The following SAT1 variants were observed in gnomAD, a reference collection of about 807,000 sequenced individuals.
The protein encoded by SAT1 is diamine acetyltransferase 1.
Under a neutral mutation model 14.7 loss-of-function variants are expected in SAT1, and 1 was observed. The ratio of observed to expected loss-of-function variants is 0.07; its 90% confidence interval spans 0.02 to 0.32. The LOEUF (loss-of-function observed/expected upper bound fraction) is 0.32, where lower values mean the gene tolerates loss of function less well. Ranked by LOEUF, SAT1 falls within the 10% of genes least tolerant of loss-of-function variation. The probability of loss-of-function intolerance (pLI) is 1.00; values close to 1 mark genes in which losing one functional copy is unlikely to be tolerated. For synonymous variants in SAT1, 67 were observed against 46.1 expected (o/e 1.45, Z -1.84); for missense variants, 77 against 129.1 (o/e 0.60, Z 1.96).
intron 3 of SAT1, 111 bp downstream of exon 3, chrX:23,783,994 A>G (rs936393487): frequency 1.7e-6 from 2 of 1,179,959 alleles, no homozygotes; most frequent in Non-Finnish European, 2.3e-6. Flanking sequence ...GAACTTGGAC[A>G]GAAAAAATAG....
Position 23,783,846 on chromosome X carries a change from G to C in SAT1, c.165G>C (p.Leu55=). The change falls in exon 3 of 6, where the codon CTG becomes CTC. Residue 55 remains leucine, a synonymous_variant. Coordinates refer to ENST00000379270, the MANE Select transcript of SAT1 (RefSeq NM_002970.4). ...GAGAGCACCCCTTTTACCACTGCCTGGTTGCAGAAGTGCCGAAAGAGCACT... is the reference window on the plus strand; with the variant it reads ...GAGAGCACCCCTTTTACCACTGCCTCGTTGCAGAAGTGCCGAAAGAGCACT... The part of the protein sequence containing the change: ...GFGEHPFYHC[L]VAEVPKEHWT... 1 of 1,211,525 alleles carries C rather than the reference G, an allele frequency of 8.3e-7. No homozygotes were observed. The highest frequency in any genetic ancestry group is 1.1e-6 in the Non-Finnish European group (1 of 895,503).
chrX:23,785,183 A>G (rs907668275), intron 3 of SAT1, 145 bp from the exon 4 acceptor site: 40 of 495,448 alleles, frequency 8.1e-5, no homozygotes, highest in Admixed American at 1.3e-4. Flanking sequence ...CACTCACATA[A>G]AAATCATGAG....
chrX:23,783,545 T>C, intron 1 of SAT1, 113 bp from the exon 2 acceptor site: 1 of 944,181 alleles, frequency 1.1e-6, no homozygotes, highest in Non-Finnish European at 1.4e-6. Context: ...TCTGCGCCCA[T>C]CCCCGGCTCG....
Position 23,783,200 on chromosome X carries a change from G to T in SAT1, c.-152G>T. 1 of 513,395 alleles carries T rather than the reference G, an allele frequency of 1.9e-6. No individual in the cohort carries two copies. Among genetic ancestry groups the T allele is most frequent in the South Asian group, 2.7e-5 (1 of 36,981 alleles). 42.3% of individuals were successfully genotyped at this position (513,395 alleles called of 1,213,427 possible). On this transcript the variant is annotated 5_prime_UTR_variant, in exon 1 of 6. Coordinates refer to ENST00000379270, the MANE Select transcript of SAT1 (RefSeq NM_002970.4). ...GCAGCTCTTAGTCGCGGGCCGACTG[G>T]TGTTTATCCGTCACTCGCCGAGGTT... is the stretch of plus-strand genomic sequence containing the variant.
chrX:23,783,576 C>CCCCCAAACCCAA, intron 1 of SAT1, 82 bp from the exon 2 acceptor site: 2 of 745,021 alleles, frequency 2.7e-6, no homozygotes, highest in Non-Finnish European at 3.9e-6. Flanking sequence ...CGCCCGCCCG[C>CCCCCAAACCCAA]CCCATTCCGT....
At chrX:23,784,125 G>C (rs1158995157) in intron 3 of SAT1, 1 of 1,067,222 alleles carries the variant, frequency 9.4e-7, no homozygotes, top group Non-Finnish European at 1.2e-6. Flanking sequence ...ACTCGGAAGT[G>C]TTTAAGCTGC....
Position 23,783,432 on chromosome X carries a change from G to C in SAT1, c.66+15G>C. The C allele has an allele frequency of 3.3e-6, 4 of 1,197,943 alleles. No homozygotes were observed. Among genetic ancestry groups the C allele is most frequent in the Non-Finnish European group, 3.4e-6 (3 of 883,780 alleles). Reference sequence around the variant, plus strand: ...GGCTGATCAAGGTAGCGGAGAGCCAGAGCTCCTCCCGGGGCGTGGGGTGGA... The same window carrying C: ...GGCTGATCAAGGTAGCGGAGAGCCACAGCTCCTCCCGGGGCGTGGGGTGGA... On this transcript the variant is annotated intron_variant, in intron 1 of 5. Transcript: ENST00000379270.
chrX:23,783,275 C>A lies in SAT1; in HGVS notation c.-77C>A. The A allele has an allele frequency of 1.0e-6, 1 of 991,354 alleles. No homozygotes were observed. The allele number at this position is 991,354 out of a possible 1,213,427, so 81.7% of individuals were successfully genotyped here. ...CTGAGAAGAGGACGCTCCCGGGAGA[C>A]GAATGAGGAACCACCTCCTCCTACT... On this transcript the variant is annotated 5_prime_UTR_variant, in exon 1 of 6. Coordinates refer to ENST00000379270, the MANE Select transcript of SAT1 (RefSeq NM_002970.4).
chrX:23,784,153 C>A, intron 3 of SAT1: 1 of 976,806 alleles, frequency 1.0e-6, no homozygotes, highest in Non-Finnish European at 1.3e-6. Context: ...AGTATAAGTG[C>A]TGTGGAGACC....
intron 1 of SAT1, 79 bp from the exon 2 acceptor site, chrX:23,783,579 C>CCAAAACCAA: frequency 5.2e-6 from 4 of 770,301 alleles, no homozygotes; most frequent in Non-Finnish European, 7.5e-6. Context: ...CCGCCCGCCC[C>CCAAAACCAA]ATTCCGTTCC....
rs372110787 is a variant in SAT1, at chrX:23,784,029, G to GA, written c.202+157dup. 5,526 of 761,159 alleles carry GA rather than the reference G, an allele frequency of 7.3e-3. 4 individuals are homozygous for GA. The highest frequency in any genetic ancestry group is 0.032 in the South Asian group (931 of 29,440). The allele number at this position is 761,159 out of a possible 1,213,427, so 62.7% of individuals were successfully genotyped here. On this transcript the variant is annotated intron_variant, in intron 3 of 5. Coordinates refer to ENST00000379270, the MANE Select transcript of SAT1 (RefSeq NM_002970.4). The stretch of plus-strand genomic sequence containing the variant: ...GCCAGCAAGTGTTCAAACTACTGAG[G>GA]AAAAAAAAAAATTAGATATGCTGCA...
In SAT1 at chrX:23,783,334, G is replaced by T. The variant is rs1182520526; in HGVS notation, c.-18G>T. On this transcript the variant is annotated 5_prime_UTR_variant, in exon 1 of 6. Transcript: ENST00000379270. ...ACAGGGGCCTGGTCCGCAAAGGGAA[G>T]AAAAGCAAAAGACGAAAATGGCTAA... is the stretch of plus-strand genomic sequence containing the variant. The T allele has an allele frequency of 8.3e-7, 1 of 1,208,816 alleles. No individual in the cohort carries two copies. The highest frequency in any genetic ancestry group is 2.2e-5 in the Admixed American group (1 of 46,052).
At chrX:23,784,129 A>G (rs1922624804) in intron 3 of SAT1, 1 of 1,061,595 alleles carries the variant, frequency 9.4e-7, no homozygotes, top group African/African-American at 1.9e-5. Context: ...GGAAGTGTTT[A>G]AGCTGCTTAA....
Position 23,783,717 on chromosome X carries a change from A to G in SAT1, c.118+8A>G, listed in dbSNP as rs370216761. On this transcript the variant is annotated splice_region_variant and intron_variant, in intron 2 of 5. Coordinates refer to ENST00000379270, the MANE Select transcript of SAT1 (RefSeq NM_002970.4). Reference sequence around the variant, plus strand: ...TAATCTTAACTGAAAAAGGTAATTCAACAGTGGCGGGACGGGGGACAAGCG... The same window carrying G: ...TAATCTTAACTGAAAAAGGTAATTCGACAGTGGCGGGACGGGGGACAAGCG... 1.7e-6 allele frequency: 2 copies of G among 1,208,935 alleles called. No homozygotes were observed. Among genetic ancestry groups the G allele is most frequent in the Non-Finnish European group, 2.2e-6 (2 of 894,268 alleles).
intron 5 of SAT1, 47 bp from the exon 6 acceptor site, chrX:23,785,639 A>T (rs1922689182): frequency 8.4e-7 from 1 of 1,191,452 alleles, no homozygotes; most frequent in African/African-American, 1.8e-5. Flanking sequence ...GGGTCTTGAG[A>T]GCAGGCTGAA....
chrX:23,785,196 A>T lies in SAT1; in HGVS notation c.203-132A>T, dbSNP rs940569286. Reference sequence around the variant, plus strand: ...TGCACTCACATAAAAATCATGAGACAGCCATGGCTACTTGTTTCTGTAATA... The same window carrying T: ...TGCACTCACATAAAAATCATGAGACTGCCATGGCTACTTGTTTCTGTAATA... On this transcript the variant is annotated intron_variant, in intron 3 of 5. Transcript: ENST00000379270. The T allele has an allele frequency of 2.7e-5, 14 of 511,367 alleles. No individual in the cohort carries two copies. The Admixed American group carries it at 4.2e-4, about 15-fold the overall frequency. 42.1% of individuals were successfully genotyped at this position (511,367 alleles called of 1,213,427 possible). A position where few individuals can be genotyped will look rare whatever the true frequency, so the allele number is the denominator to read the frequency against.
At chrX:23,785,588 T>C (rs1310887583) in intron 5 of SAT1, 28 bp downstream of exon 5, 1 of 1,195,039 alleles carries the variant, frequency 8.4e-7, no homozygotes, top group African/African-American at 1.8e-5. Context: ...GTTTCCAAAT[T>C]TGTAAGTTTA....
intron 1 of SAT1, 37 bp from the exon 2 acceptor site, chrX:23,783,621 T>C: frequency 8.8e-7 from 1 of 1,131,651 alleles, no homozygotes; most frequent in South Asian, 2.1e-5. Context: ...CCTCATTTTG[T>C]TTTCTACTTT....
intron 3 of SAT1, chrX:23,784,140 G>A: frequency 9.7e-7 from 1 of 1,034,889 alleles, no homozygotes; most frequent in Non-Finnish European, 1.3e-6. Context: ...AGCTGCTTAA[G>A]TAAGTATAAG....
Sources: gnomAD v4.1 joint callset for allele counts on GRCh38, gnomAD v4.1.1 for gene constraint, MANE v1.5 for transcripts, NCBI Gene and HGNC (gene_info 2026-07-23, HGNC 2026-07-21) for gene names.